GMDS: variants seen among roughly 807,000 people sequenced by gnomAD.
The protein encoded by GMDS is GDP-mannose 4,6-dehydratase.
Under a neutral mutation model 49.9 loss-of-function variants are expected in GMDS, and 20 were observed. The observed-to-expected ratio is 0.40, with a 90% CI of 0.28 to 0.58. The LOEUF (loss-of-function observed/expected upper bound fraction) is 0.58. GMDS is among the 20% of genes least tolerant of loss of function. GMDS has a pLI of 0.42. For synonymous variants in GMDS, 177 were observed against 178.6 expected, an observed-to-expected ratio of 0.99 and a Z score of 0.07; for missense variants, 362 against 481.4, an observed-to-expected ratio of 0.75 and a Z score of 2.32.
At chr6:1,999,946 TATA>T (rs1363548814) in intron 4 of GMDS, among the ~76,000 whole-genome samples, 1 of 55,576 alleles carries the variant, frequency 1.8e-5, no homozygotes, top group Non-Finnish European at 3.3e-5. Flanking sequence ...ATATATAATA[TATA>T]ATATGTATAT....
chr6:1,753,118 G>A (rs1382731368), intron 7 of GMDS, among the ~76,000 whole-genome samples: 1 of 152,176 alleles, frequency 6.6e-6, no homozygotes, highest in Non-Finnish European at 1.5e-5. Flanking sequence ...AGACCCATCG[G>A]TGTGCTGTAT....
At chr6:2,004,078 TAGTC>T (rs1234374286) in intron 4 of GMDS, among the ~76,000 whole-genome samples, 1 of 152,350 alleles carries the variant, frequency 6.6e-6, no homozygotes, top group South Asian at 2.1e-4. Context: ...ATATACAAAA[TAGTC>T]AGAGATCAAT....
At chr6:1,977,133 C>A (rs984924918) in intron 4 of GMDS, among the ~76,000 whole-genome samples, 1 of 152,114 alleles carries the variant, frequency 6.6e-6, no homozygotes, top group Non-Finnish European at 1.5e-5. Context: ...GCAAAAGAAT[C>A]ACAAAGCAGA....
At chr6:1,940,990 T>C (rs2127260420) in intron 6 of GMDS, among the ~76,000 whole-genome samples, 2 of 152,210 alleles carry the variant, frequency 1.3e-5, no homozygotes, top group Admixed American at 1.3e-4. Context: ...AACTTCCCCC[T>C]GGGGGGACAA....
At chr6:1,996,709 G>A (rs4959620) in intron 4 of GMDS, among the ~76,000 whole-genome samples, 100,263 of 151,964 alleles carry the variant, frequency 0.66, 33,453 homozygotes, top group African/African-American at 0.74. Flanking sequence ...GATTCTTCTA[G>A]GAAGCTGCAC....
At chr6:1,967,542 C>A (rs927297355) in intron 4 of GMDS, among the ~76,000 whole-genome samples, 1 of 152,154 alleles carries the variant, frequency 6.6e-6, no homozygotes, top group Admixed American at 6.5e-5. Flanking sequence ...AATTCCAAAG[C>A]TCTAGCATAA....
chr6:1,792,700 T>C (rs1224195956), intron 7 of GMDS, among the ~76,000 whole-genome samples: 1 of 152,226 alleles, frequency 6.6e-6, no homozygotes, highest in Non-Finnish European at 1.5e-5. Context: ...GTTTAGAATT[T>C]CAAATTAAAA....
At chr6:2,160,565 T>C (rs778788063) in intron 1 of GMDS, among the ~76,000 whole-genome samples, 8 of 152,200 alleles carry the variant, frequency 5.3e-5, no homozygotes, top group Non-Finnish European at 1.0e-4. Context: ...TCTATGAAGA[T>C]TTTGAGACAG....
intron 1 of GMDS, among the ~76,000 whole-genome samples, chr6:2,148,584 C>G (rs183598103): frequency 6.6e-6 from 1 of 152,120 alleles, no homozygotes; most frequent in East Asian, 1.9e-4. Context: ...CCACGCCTGG[C>G]TAATTTTGTA....
chr6:1,996,629 A>G (rs970499265), intron 4 of GMDS, among the ~76,000 whole-genome samples: 3 of 152,160 alleles, frequency 2.0e-5, no homozygotes, highest in African/African-American at 7.2e-5. Context: ...CTTGGTACAA[A>G]ATGGTTGGCA....
intron 7 of GMDS, among the ~76,000 whole-genome samples, chr6:1,867,955 G>T (rs1341575178): frequency 6.6e-6 from 1 of 152,000 alleles, no homozygotes; most frequent in African/African-American, 2.4e-5. Flanking sequence ...TAGGAAGGGA[G>T]GCTCCTAAAT....
At chr6:1,667,942 T>C (rs1410796470) in intron 9 of GMDS, among the ~76,000 whole-genome samples, 1 of 152,198 alleles carries the variant, frequency 6.6e-6, no homozygotes, top group African/African-American at 2.4e-5. Context: ...ACATTTCAGA[T>C]AATAAGATCA....
intron 4 of GMDS, among the ~76,000 whole-genome samples, chr6:2,007,463 C>T (rs1767264839): frequency 6.6e-6 from 1 of 152,144 alleles, no homozygotes; most frequent in Non-Finnish European, 1.5e-5. Context: ...GTCTACACTT[C>T]CAGAGAACAT....
At chr6:2,112,058 C>T (rs538679868) in intron 4 of GMDS, among the ~76,000 whole-genome samples, 21 of 152,274 alleles carry the variant, frequency 1.4e-4, no homozygotes, top group African/African-American at 4.8e-4. Flanking sequence ...CTGGCCATGA[C>T]GAAGCCTGTC....
chr6:1,658,622 T>TA (rs1226543666), intron 9 of GMDS, among the ~76,000 whole-genome samples: 1 of 152,290 alleles, frequency 6.6e-6, no homozygotes, highest in Non-Finnish European at 1.5e-5. Context: ...CACAGAAAAA[T>TA]AAAAAAATAC....
chr6:1,679,095 T>A (rs1198971347), intron 9 of GMDS: 1 of 152,212 alleles, frequency 6.6e-6, no homozygotes, highest in Non-Finnish European at 1.5e-5. Flanking sequence ...CACACACAGT[T>A]GTTACGCACA....
At chr6:1,726,272 G>A in intron 9 of GMDS, 144 bp downstream of exon 9, 2 of 640,520 alleles carry the variant, frequency 3.1e-6, no homozygotes, top group East Asian at 2.6e-5. Context: ...AATTCACTGT[G>A]TTCTGATTTT....
intron 7 of GMDS, among the ~76,000 whole-genome samples, chr6:1,779,735 A>C (rs1769001598): frequency 6.6e-6 from 1 of 152,228 alleles, no homozygotes; most frequent in Admixed American, 6.5e-5. Context: ...TGATAGTGGT[A>C]AAATGAAAAA....
chr6:1,633,993 G>C (rs1347555276), intron 9 of GMDS, among the ~76,000 whole-genome samples: 1 of 152,208 alleles, frequency 6.6e-6, no homozygotes, highest in African/African-American at 2.4e-5. Context: ...TGAAAGTATG[G>C]AACTGACTAT....
Sources: allele counts gnomAD v4.1 joint callset (sites outside exome capture counted in the v4.1 genomes callset), GRCh38; gene constraint gnomAD v4.1.1; transcripts MANE v1.5; gene names NCBI Gene and HGNC (gene_info 2026-07-23, HGNC 2026-07-21).